The following GPHN variants were observed in gnomAD, a reference collection of about 807,000 sequenced individuals.
The protein encoded by GPHN is gephyrin.
Under a neutral mutation model 95.5 loss-of-function variants are expected in GPHN, and 17 were observed. That is an observed-to-expected ratio of 0.18 (90% CI 0.12 to 0.27). GPHN has a LOEUF of 0.27. GPHN is among the 10% of genes least tolerant of loss of function. GPHN has a pLI of 1.00. For synonymous variants in GPHN, 320 were observed against 322.5 expected, an observed-to-expected ratio of 0.99 and a Z score of 0.08; for missense variants, 660 against 978.1, an observed-to-expected ratio of 0.67 and a Z score of 4.34.
chr14:67,187,959 G>A, the GPHN span, among the ~76,000 whole-genome samples: 1 of 152,118 alleles, frequency 6.6e-6, no homozygotes, highest in Non-Finnish European at 1.5e-5. Flanking sequence ...AACTTCTTGA[G>A]TGCAGAGACT....
chr14:67,588,849 C>G, the GPHN span: 14 of 152,784 alleles, frequency 9.2e-5, no homozygotes, highest in South Asian at 2.9e-3. Context: ...CTGTAAGCTT[C>G]TCCTCTCTCA....
intron 11 of GPHN, among the ~76,000 whole-genome samples, chr14:67,060,716 T>G (rs1218055043): frequency 6.6e-6 from 1 of 152,230 alleles, no homozygotes. Context: ...AGGCTTGCCT[T>G]CCTTTGTCAA....
intron 2 of GPHN, among the ~76,000 whole-genome samples, chr14:66,756,414 A>G (rs2058556356): frequency 6.6e-6 from 1 of 152,060 alleles, no homozygotes; most frequent in African/African-American, 2.4e-5. Context: ...TTGTGTAGGC[A>G]GGGGCACAAC....
At chr14:67,005,552 A>T (rs1007570896) in intron 9 of GPHN, among the ~76,000 whole-genome samples, 5 of 151,954 alleles carry the variant, frequency 3.3e-5, no homozygotes, top group African/African-American at 1.2e-4. Flanking sequence ...TTGATGTCAG[A>T]GTATTTTATA....
the GPHN span, among the ~76,000 whole-genome samples, chr14:67,246,649 G>T: frequency 1.8e-5 from 2 of 112,212 alleles, no homozygotes; most frequent in Non-Finnish European, 1.7e-5. Flanking sequence ...CCTACTATAG[G>T]TTTTTTTTTT....
At chr14:67,562,369 T>C in the GPHN span, 1 of 1,613,670 alleles carries the variant, frequency 6.2e-7, no homozygotes, top group Non-Finnish European at 8.5e-7. Flanking sequence ...CGGTCCATTC[T>C]GGGGAAACAG....
At chr14:66,557,136 G>T (rs994706570) in intron 1 of GPHN, among the ~76,000 whole-genome samples, 2 of 152,076 alleles carry the variant, frequency 1.3e-5, no homozygotes, top group Non-Finnish European at 2.9e-5. Context: ...GAGCCCAGGA[G>T]TTTGAGGTGG....
the GPHN span, among the ~76,000 whole-genome samples, chr14:67,292,099 A>G: frequency 1.3e-5 from 2 of 152,340 alleles, no homozygotes; most frequent in Admixed American, 1.3e-4. Flanking sequence ...GTAATAGAAT[A>G]TAATGGAATC....
the GPHN span, among the ~76,000 whole-genome samples, chr14:67,700,646 C>T: frequency 6.8e-6 from 1 of 148,050 alleles, no homozygotes; most frequent in African/African-American, 2.5e-5. Flanking sequence ...ACCTGGGAGG[C>T]GGAGCTTGCA....
At chr14:67,476,102 G>A in the GPHN span, among the ~76,000 whole-genome samples, 5 of 152,156 alleles carry the variant, frequency 3.3e-5, no homozygotes, top group Admixed American at 6.5e-5. Context: ...CATCTCTGTC[G>A]ATCCCCTCTC....
intron 3 of GPHN, among the ~76,000 whole-genome samples, chr14:66,781,303 A>G (rs867546357): frequency 6.0e-5 from 9 of 149,058 alleles, no homozygotes; most frequent in African/African-American, 9.9e-5. Context: ...TGCAACCTCT[A>G]CCTCCCCGGT....
At chr14:66,819,178 A>G (rs2061094483) in intron 3 of GPHN, among the ~76,000 whole-genome samples, 1 of 152,162 alleles carries the variant, frequency 6.6e-6, no homozygotes, top group Non-Finnish European at 1.5e-5. Context: ...TATGTCCTAA[A>G]TGGTATTGCC....
rs561735257 is a variant in GPHN at position 67,053,440 on chromosome 14, A to C, written c.1007-5209A>C. Among the ~76,000 whole-genome samples, 8 of 152,322 alleles carry C rather than the reference A, an allele frequency of 5.3e-5. No individual in the cohort carries two copies. The South Asian group carries it at 1.7e-3, about 32-fold the overall frequency. On this transcript the variant is annotated intron_variant, in intron 10 of 22. Coordinates refer to ENST00000478722, the MANE Select transcript of GPHN (RefSeq NM_020806.5). ...AAGAAGTTGAATCTCTGAATAGACA[A>C]TAACAAGTTCTGAAATTGAGGCAGT... is the stretch of plus-strand genomic sequence containing the variant.
At chr14:66,873,828 G>A (rs185912619) in intron 4 of GPHN, among the ~76,000 whole-genome samples, 3 of 152,230 alleles carry the variant, frequency 2.0e-5, no homozygotes, top group Admixed American at 6.5e-5. Flanking sequence ...GGATGTGGGC[G>A]CATACTTAAA....
chr14:66,951,543 A>G (rs2068111580), intron 8 of GPHN, among the ~76,000 whole-genome samples: 1 of 152,050 alleles, frequency 6.6e-6, no homozygotes, highest in Non-Finnish European at 1.5e-5. Flanking sequence ...GAAGGGATAA[A>G]GAAACTTGCA....
chr14:66,770,064 ATC>A (rs1372421945), intron 2 of GPHN, among the ~76,000 whole-genome samples: 9 of 152,162 alleles, frequency 5.9e-5, no homozygotes, highest in African/African-American at 2.2e-4. Flanking sequence ...TTTGATTTGC[ATC>A]TCTCTAATGA....
the GPHN span, among the ~76,000 whole-genome samples, chr14:67,413,299 A>C: frequency 6.6e-6 from 1 of 151,898 alleles, no homozygotes; most frequent in Non-Finnish European, 1.5e-5. Context: ...ACAGGGTCTC[A>C]CTATATTGTC....
the GPHN span, among the ~76,000 whole-genome samples, chr14:67,608,926 G>A: frequency 8.1e-4 from 123 of 152,278 alleles, 1 homozygote; most frequent in South Asian, 6.4e-3. Context: ...GTGACCAAGC[G>A]TATGGGGGGC....
the GPHN span, among the ~76,000 whole-genome samples, chr14:67,373,842 AGTGTGTGTGT>A: frequency 5.1e-4 from 74 of 145,796 alleles, 1 homozygote; most frequent in African/African-American, 1.4e-3. Context: ...TAATTTGTTC[AGTGTGTGTGT>A]GTGTGTGTGT....
Sources: gnomAD v4.1 joint callset for allele counts (sites outside exome capture counted in the v4.1 genomes callset) on GRCh38, gnomAD v4.1.1 for gene constraint, MANE v1.5 for transcripts, NCBI Gene and HGNC (gene_info 2026-07-23, HGNC 2026-07-21) for gene names.